RHOT2: variants seen among roughly 807,000 people sequenced by gnomAD.
The protein encoded by RHOT2 is ras homolog family member T2.
A neutral mutation model predicts 81.6 loss-of-function variants in RHOT2; 90 were observed. That is an observed-to-expected ratio of 1.10 (90% CI 0.93 to 1.31). The LOEUF (loss-of-function observed/expected upper bound fraction) is 1.31, where lower values mean the gene tolerates loss of function less well. Among genes scored for constraint, RHOT2 ranks in the 40% most tolerant of loss-of-function variants. The pLI is 0.00. For missense variants in RHOT2, 1,014 were observed against 841.9 expected (o/e 1.20, Z -2.53); for synonymous variants, 512 against 370.9 (o/e 1.38, Z -4.37).
chr16:672,608 C>T (rs544472144), intron 16 of RHOT2, 42 bp downstream of exon 16: 21 of 1,610,406 alleles, frequency 1.3e-5, no homozygotes, highest in Admixed American at 6.7e-5. Context: ...AGGGTGGACC[C>T]GGGGACACCC....
Position 672,966 on chromosome 16 carries a change from C to G in RHOT2, c.1566C>G (p.Val522=). 9 of 1,612,848 alleles carry G rather than the reference C, an allele frequency of 5.6e-6. No individual in the cohort carries two copies. The highest frequency in any genetic ancestry group is 6.8e-6 in the Non-Finnish European group (8 of 1,180,004). The part of the protein sequence containing the change: ...YMDGQTPCLF[V]SSKADLPEGV... ...ACGGGCAGACCCCCTGCCTCTTTGT[C>G]TCCTCCAAGGCCGACCTGCCCGAAG... The change falls in exon 18 of 19, where the codon GTC becomes GTG. Residue 522 remains valine, a synonymous_variant. Coordinates refer to ENST00000315082, the MANE Select transcript of RHOT2 (RefSeq NM_138769.3).
chr16:671,106 T>G lies in RHOT2; in HGVS notation c.772T>G (p.Phe258Val). The G allele has an allele frequency of 6.2e-7, 1 of 1,609,148 alleles. No homozygotes were observed. The highest frequency in any genetic ancestry group is 8.5e-7 in the Non-Finnish European group (1 of 1,179,652). ...AGGTTTCCTCTTCCTGAACACGCTC[T>G]TCATCCAGCGCGGCCGGCACGAGAC... is the stretch of plus-strand genomic sequence containing the variant. Reference protein sequence around the residue: ...LDGFLFLNTLFIQRGRHETTW... With the variant: ...LDGFLFLNTLVIQRGRHETTW... Residue 258 changes from phenylalanine to valine, a missense_variant, in exon 11 of 19, where the codon TTC becomes GTC. Coordinates refer to ENST00000315082, the MANE Select transcript of RHOT2 (RefSeq NM_138769.3).
intron 4 of RHOT2, chr16:668,905 G>A (rs896249932): frequency 3.7e-6 from 2 of 546,686 alleles, no homozygotes; most frequent in African/African-American, 2.0e-5. Flanking sequence ...AGGGATAACA[G>A]GACCCTTCCC....
In RHOT2 at chr16:673,538, G is replaced by A. The variant is rs2039313317; in HGVS notation, c.1789G>A (p.Val597Ile). ...CTTCTGGCTCCGGGGGCTGCTGGGG[G>A]TTGTCGGGGCCGCCGTGGCCGCAGT... is the stretch of plus-strand genomic sequence containing the variant. ...SSFWLRGLLG[V>I]VGAAVAAVLS... The change falls in exon 19 of 19, where the codon GTT becomes ATT. Residue 597 changes from valine (V) to isoleucine (I), a missense_variant. Coordinates refer to ENST00000315082, the MANE Select transcript of RHOT2 (RefSeq NM_138769.3). 6.2e-7 allele frequency: 1 copy of A among 1,612,608 alleles called. No individual in the cohort carries two copies. Among genetic ancestry groups the A allele is most frequent in the African/African-American group, 1.3e-5 (1 of 75,054 alleles).
At chr16:669,737 CGTG>C (rs2038587406) in intron 5 of RHOT2, 131 bp downstream of exon 5, 12 of 883,688 alleles carry the variant, frequency 1.4e-5, no homozygotes, top group East Asian at 2.6e-5. Context: ...AGTTGCCTGA[CGTG>C]GAGTCACCCG....
At chr16:669,797 C>T (rs1173925141) in intron 5 of RHOT2, 191 bp downstream of exon 5, 11 of 651,276 alleles carry the variant, frequency 1.7e-5, no homozygotes, top group East Asian at 8.2e-5. Flanking sequence ...TGGGGCGTCC[C>T]GCAGTCTGAG....
chr16:670,471 C>G lies in RHOT2; in HGVS notation c.454C>G (p.Leu152Val), dbSNP rs763786580. 2 of 1,606,886 alleles carry G rather than the reference C, an allele frequency of 1.2e-6. No individual in the cohort carries two copies. The highest frequency in any genetic ancestry group is 4.5e-5 in the East Asian group (2 of 44,842). ...ETCVECSAKN[L>V]RNISELFYYA... is the part of the protein sequence containing the mutation. ...ACTTTCCCAGTGTTCGGCCAAGAAC[C>G]TGAGGAACATCTCAGAGCTGTTCTA... Residue 152 changes from leucine to valine, a missense_variant, in exon 8 of 19, where the codon CTG (leucine) becomes GTG (valine). By Grantham distance (32) the Leu-to-Val change is conservative. Coordinates refer to ENST00000315082, the MANE Select transcript of RHOT2 (RefSeq NM_138769.3).
intron 18 of RHOT2, 81 bp downstream of exon 18, chr16:673,211 A>G (rs1304199064): frequency 6.9e-7 from 1 of 1,447,018 alleles, no homozygotes; most frequent in Non-Finnish European, 9.5e-7. Context: ...CAGGCCTGGA[A>G]CTGGGGACTA....
At chr16:669,870 A>AG in intron 5 of RHOT2, 1 of 612,194 alleles carries the variant, frequency 1.6e-6, no homozygotes. Flanking sequence ...GGACCCGCAG[A>AG]GGGCCTGCGT....
rs761197691 is a variant in RHOT2 at position 670,350 on chromosome 16, G to T, written c.431G>T (p.Cys144Phe). Residue 144 changes from cysteine to phenylalanine, a missense_variant, in exon 7 of 19, where the codon TGC becomes TTC. Coordinates refer to ENST00000315082, the MANE Select transcript of RHOT2 (RefSeq NM_138769.3). ...AGCCAGTTTCCCGAGATTGAGACCT[G>T]CGTGGAGGTGAGTAGGTCCCAGGCA... ...IMSQFPEIET[C>F]VECSAKNLRN... is the part of the protein sequence containing the mutation. 6 of 1,612,774 alleles carry T rather than the reference G, an allele frequency of 3.7e-6. No individual in the cohort carries two copies. The Admixed American group carries it at 5.0e-5, about 13-fold the overall frequency.
At position 668,653 on chromosome 16, in the gene RHOT2, T is replaced by C; in HGVS notation, c.179-3T>C. ...CCGCAGTGGAGTCTCTTTGTCCCCCTAGAAGCCGAGCAGACGGACGAGGAG... is the reference window on the plus strand; with the variant it reads ...CCGCAGTGGAGTCTCTTTGTCCCCCCAGAAGCCGAGCAGACGGACGAGGAG... On this transcript the variant is annotated splice_region_variant and splice_polypyrimidine_tract_variant and intron_variant, in intron 3 of 18. Transcript: ENST00000315082. 6.2e-7 allele frequency: 1 copy of C among 1,606,794 alleles called. No homozygotes were observed. The highest frequency in any genetic ancestry group is 8.5e-7 in the Non-Finnish European group (1 of 1,177,578).
Position 671,180 on chromosome 16 carries a change from G to A in RHOT2, c.846G>A (p.Leu282=). 6.4e-7 allele frequency: 1 copy of A among 1,571,622 alleles called. No individual in the cohort carries two copies. The highest frequency in any genetic ancestry group is 8.6e-7 in the Non-Finnish European group (1 of 1,157,228). Residue 282 remains leucine (L), a synonymous_variant, in exon 11 of 19, where the codon CTG becomes CTA. Coordinates refer to ENST00000315082, the MANE Select transcript of RHOT2 (RefSeq NM_138769.3). ...TCGGCTACAGCGATGCCCTGGAGCTGACTGCGGACTATCTCTCCCCTCTGT... is the reference window on the plus strand; with the variant it reads ...TCGGCTACAGCGATGCCCTGGAGCTAACTGCGGACTATCTCTCCCCTCTGT... ...RRFGYSDALE[L]TADYLSPLIH...
intron 18 of RHOT2, 120 bp from the exon 19 acceptor site, chr16:673,360 T>G (rs2151488432): frequency 6.8e-7 from 1 of 1,470,486 alleles, no homozygotes; most frequent in Middle Eastern, 1.9e-4. Flanking sequence ...CCACCGGCTG[T>G]GCCTCTGGTC....
Position 673,877 on chromosome 16 carries a change from C to A in RHOT2, c.*271C>A. 1.6e-6 allele frequency: 1 copy of A among 615,746 alleles called. No individual in the cohort carries two copies. Among genetic ancestry groups the A allele is most frequent in the Non-Finnish European group, 3.0e-6 (1 of 334,732 alleles). 38.1% of individuals were successfully genotyped at this position (615,746 alleles called of 1,614,324 possible). ...CCACCGCTGTCAGGGATTGCCCACC[C>A]CTGGGCATCATGTGTGTGGGGCCGG... On this transcript the variant is annotated 3_prime_UTR_variant, in exon 19 of 19. Coordinates refer to ENST00000315082, the MANE Select transcript of RHOT2 (RefSeq NM_138769.3).
At chr16:673,191 G>T (rs1364667463) in intron 18 of RHOT2, 61 bp downstream of exon 18, 4 of 1,545,890 alleles carry the variant, frequency 2.6e-6, no homozygotes, top group Non-Finnish European at 3.5e-6. Context: ...GCAGTGGGCA[G>T]CGGTGGTGTC....
At chr16:672,646 A>G (rs2039165175) in intron 16 of RHOT2, 57 bp from the exon 17 acceptor site, 1 of 1,609,820 alleles carries the variant, frequency 6.2e-7, no homozygotes, top group Non-Finnish European at 8.5e-7. Flanking sequence ...CTGGCCCAGC[A>G]TGGCCCTAGG....
At position 672,449 on chromosome 16, in the gene RHOT2, G is replaced by T. The variant is rs779991531; in HGVS notation, c.1327-40G>T. The T allele has an allele frequency of 5.0e-6, 8 of 1,611,298 alleles. No individual in the cohort carries two copies. The South Asian group carries it at 6.6e-5, about 13-fold the overall frequency. ...GGGGCAGGGCAGGGCAATCTGGGGG[G>T]CACTGCAGCCAGCGAGTGTCAGGAC... On this transcript the variant is annotated intron_variant, in intron 15 of 18. Coordinates refer to ENST00000315082, the MANE Select transcript of RHOT2 (RefSeq NM_138769.3).
At chr16:673,393 C>T (rs1051915773) in intron 18 of RHOT2, 87 bp from the exon 19 acceptor site, 8 of 1,586,890 alleles carry the variant, frequency 5.0e-6, no homozygotes, top group East Asian at 2.2e-5. Flanking sequence ...CTGTGGGGCC[C>T]TGTGAGTCCA....
chr16:668,651 C>A lies in RHOT2; in HGVS notation c.179-5C>A. On this transcript the variant is annotated splice_region_variant and splice_polypyrimidine_tract_variant and intron_variant, in intron 3 of 18. Transcript: ENST00000315082. ...GTCCGCAGTGGAGTCTCTTTGTCCC[C>A]CTAGAAGCCGAGCAGACGGACGAGG... 1 of 1,606,894 alleles carries A rather than the reference C, an allele frequency of 6.2e-7. No homozygotes were observed. Among genetic ancestry groups the A allele is most frequent in the Non-Finnish European group, 8.5e-7 (1 of 1,177,608 alleles).
Sources: gnomAD v4.1 joint callset for allele counts on GRCh38, gnomAD v4.1.1 for gene constraint, MANE v1.5 for transcripts, NCBI Gene and HGNC (gene_info 2026-07-23, HGNC 2026-07-21) for gene names.